CDH18: variants seen among roughly 807,000 people sequenced by gnomAD.
CDH18 encodes cadherin-18.
CDH18 carries 31 observed loss-of-function variants against 67.9 expected under a neutral mutation model. The observed-to-expected ratio is 0.46, with a 90% CI of 0.34 to 0.62. The LOEUF is 0.62. CDH18 is among the 20% of genes least tolerant of loss of function. The probability of loss-of-function intolerance (pLI) is 0.01; values close to 1 mark genes in which losing one functional copy is unlikely to be tolerated. For synonymous variants in CDH18, 362 were observed against 347.2 expected, an observed-to-expected ratio of 1.04 and a Z score of -0.48; for missense variants, 890 against 975.5, an observed-to-expected ratio of 0.91 and a Z score of 1.17.
chr5:19,508,383 C>T (rs1744573626), intron 10 of CDH18, among the ~76,000 whole-genome samples: 1 of 152,044 alleles, frequency 6.6e-6, no homozygotes, highest in African/African-American at 2.4e-5. Flanking sequence ...CTTGCTATTT[C>T]TTTGTCCAAT....
At chr5:20,102,141 T>C (rs1316251800) in intron 2 of CDH18, among the ~76,000 whole-genome samples, 4 of 152,096 alleles carry the variant, frequency 2.6e-5, no homozygotes, top group Non-Finnish European at 5.9e-5. Context: ...GAATTATACA[T>C]CAATTTCTTA....
At chr5:20,210,638 A>G (rs930320831) in intron 2 of CDH18, among the ~76,000 whole-genome samples, 3 of 151,856 alleles carry the variant, frequency 2.0e-5, no homozygotes, top group Admixed American at 6.6e-5. Flanking sequence ...TTGATCTTGG[A>G]TTTTATTTTA....
intron 1 of CDH18, among the ~76,000 whole-genome samples, chr5:20,468,165 C>T (rs6887948): frequency 0.38 from 58,283 of 151,828 alleles, 13,518 homozygotes; most frequent in Non-Finnish European, 0.52. Flanking sequence ...CAGGTGCCCA[C>T]TAAGACGTCC....
At chr5:19,875,284 A>C (rs970776866) in intron 2 of CDH18, among the ~76,000 whole-genome samples, 1 of 152,192 alleles carries the variant, frequency 6.6e-6, no homozygotes, top group South Asian at 2.1e-4. Flanking sequence ...TAGAAAAGTC[A>C]GCAACTGAGA....
rs1437477790 is a variant in CDH18, at chr5:20,467,984, TTTTATTTATGTA to T, written c.-580+107466_-580+107477del. Among the ~76,000 whole-genome samples the T allele has an allele frequency of 9.2e-3, 1,228 of 133,972 alleles. 13 individuals carry two copies. The highest frequency in any genetic ancestry group is 0.031 in the African/African-American group (1,143 of 36,870). 87.9% of individuals were successfully genotyped at this position (133,972 alleles called of 152,430 possible). Reference sequence around the variant, plus strand: ...TATTATTCTATTTACTTACTTTTTATTTTATTTATGTATTTATTTATGTATTTATTTATTTAT... The same window carrying T: ...TATTATTCTATTTACTTACTTTTTATTTTATTTATGTATTTATTTATTTAT... On this transcript the variant is annotated intron_variant, in intron 1 of 14. Transcript: ENST00000507958.
chr5:19,842,937 T>C (rs192152576), intron 2 of CDH18, among the ~76,000 whole-genome samples: 2 of 152,306 alleles, frequency 1.3e-5, no homozygotes, highest in African/African-American at 4.8e-5. Context: ...GTCCGTGTAC[T>C]AGAGATCTGT....
At chr5:19,742,643 A>G (rs1043370649) in intron 4 of CDH18, among the ~76,000 whole-genome samples, 1 of 152,036 alleles carries the variant, frequency 6.6e-6, no homozygotes, top group Non-Finnish European at 1.5e-5. Context: ...TCTATTTGTA[A>G]GTCTGCAGTT....
chr5:19,552,221 T>G (rs1175397688), intron 8 of CDH18, among the ~76,000 whole-genome samples: 1 of 152,162 alleles, frequency 6.6e-6, no homozygotes, highest in Non-Finnish European at 1.5e-5. Flanking sequence ...GAAATAATTG[T>G]TTTCTCTTTA....
intron 2 of CDH18, among the ~76,000 whole-genome samples, chr5:20,053,982 A>G (rs1741682937): frequency 1.3e-5 from 2 of 152,044 alleles, no homozygotes; most frequent in Admixed American, 6.6e-5. Flanking sequence ...TCTCTGTCCA[A>G]TCCTACTTCT....
At chr5:20,012,946 T>G (rs1338522470) in intron 2 of CDH18, among the ~76,000 whole-genome samples, 1 of 152,096 alleles carries the variant, frequency 6.6e-6, no homozygotes, top group Non-Finnish European at 1.5e-5. Flanking sequence ...GAAAAATAAC[T>G]AATGGATATT....
chr5:20,291,080 G>T (rs573949226), intron 1 of CDH18, among the ~76,000 whole-genome samples: 1 of 152,176 alleles, frequency 6.6e-6, no homozygotes, highest in East Asian at 1.9e-4. Context: ...GGCTTCCAGA[G>T]ATATTTATTC....
intron 10 of CDH18, among the ~76,000 whole-genome samples, chr5:19,513,792 T>G (rs1466096696): frequency 1.3e-5 from 2 of 152,102 alleles, no homozygotes; most frequent in Admixed American, 1.3e-4. Context: ...TTCATTTAAG[T>G]TTGTTCTTCT....
At chr5:19,777,808 G>T (rs933833557) in intron 3 of CDH18, among the ~76,000 whole-genome samples, 2 of 152,044 alleles carry the variant, frequency 1.3e-5, no homozygotes, top group Non-Finnish European at 2.9e-5. Flanking sequence ...GATTATTTGA[G>T]AAAATAATTA....
chr5:20,307,040 T>C (rs906303632), intron 1 of CDH18, among the ~76,000 whole-genome samples: 1 of 152,100 alleles, frequency 6.6e-6, no homozygotes, highest in Non-Finnish European at 1.5e-5. Context: ...ACAGGACATA[T>C]TAAGAAGATG....
chr5:19,778,794 A>G (rs937949904), intron 3 of CDH18, among the ~76,000 whole-genome samples: 4 of 152,202 alleles, frequency 2.6e-5, no homozygotes, highest in Non-Finnish European at 5.9e-5. Context: ...TTGGATAGCC[A>G]ATAGGAGCCC....
At chr5:20,304,429 A>AT (rs1418515216) in intron 1 of CDH18, 1 of 1,484,190 alleles carries the variant, frequency 6.7e-7, no homozygotes, top group African/African-American at 1.4e-5. Context: ...GTAGCTCATG[A>AT]TTCTCTTCTT....
intron 1 of CDH18, among the ~76,000 whole-genome samples, chr5:20,515,540 T>C (rs1194806207): frequency 1.3e-5 from 2 of 152,070 alleles, no homozygotes. Context: ...TGTCTGCTCT[T>C]GATTTGTTTA....
chr5:19,777,055 G>T, intron 3 of CDH18, among the ~76,000 whole-genome samples: 1 of 152,264 alleles, frequency 6.6e-6, no homozygotes, highest in Non-Finnish European at 1.5e-5. Context: ...CGAGGTGGAT[G>T]GATCAGTTGA....
intron 1 of CDH18, among the ~76,000 whole-genome samples, chr5:20,555,232 A>G (rs1334075447): frequency 6.6e-6 from 1 of 152,060 alleles, no homozygotes; most frequent in East Asian, 1.9e-4. Context: ...ACAGCCATCT[A>G]CCGGCCAGGA....
Sources: gnomAD v4.1 joint callset for allele counts (sites outside exome capture counted in the v4.1 genomes callset) on GRCh38, gnomAD v4.1.1 for gene constraint, MANE v1.5 for transcripts, NCBI Gene and HGNC (gene_info 2026-07-23, HGNC 2026-07-21) for gene names.